HS6ST1: variants seen among roughly 807,000 people sequenced by gnomAD.
HS6ST1 encodes the protein heparan-sulfate 6-O-sulfotransferase 1.
In HS6ST1, 3 loss-of-function variants were observed where a neutral mutation model predicts 25.2. That is an observed-to-expected ratio of 0.12 (90% CI 0.05 to 0.31). The LOEUF is 0.31. Ranked by LOEUF, HS6ST1 falls within the 10% of genes least tolerant of loss-of-function variation. HS6ST1 has a pLI of 1.00. For synonymous variants in HS6ST1, 204 were observed against 275.1 expected, an observed-to-expected ratio of 0.74 and a Z score of 2.56; for missense variants, 310 against 609.6, an observed-to-expected ratio of 0.51 and a Z score of 5.18.
At chr2:128,309,789 G>A (rs1025918812) in intron 1 of HS6ST1, among the ~76,000 whole-genome samples, 1 of 152,184 alleles carries the variant, frequency 6.6e-6, no homozygotes, top group Non-Finnish European at 1.5e-5. Flanking sequence ...CTGGCCCCGC[G>A]GTCAGTCTCC....
intron 1 of HS6ST1, among the ~76,000 whole-genome samples, chr2:128,280,357 CTTCT>C (rs1693767157): frequency 6.6e-6 from 1 of 152,234 alleles, no homozygotes; most frequent in Non-Finnish European, 1.5e-5. Flanking sequence ...GGTGTCATTC[CTTCT>C]GAGAGGGGGC....
intron 1 of HS6ST1, among the ~76,000 whole-genome samples, chr2:128,274,514 G>T (rs1168647886): frequency 1.3e-5 from 2 of 152,138 alleles, no homozygotes; most frequent in East Asian, 3.9e-4. Context: ...ATTTTAGGAA[G>T]ATCCTGGAGT....
chr2:128,304,694 G>A (rs1210379532), intron 1 of HS6ST1, among the ~76,000 whole-genome samples: 2 of 141,524 alleles, frequency 1.4e-5, no homozygotes, highest in African/African-American at 5.4e-5. Context: ...AGATATGGAG[G>A]CACCCATGTA....
Position 128,287,988 on chromosome 2 carries a change from C to T in HS6ST1, c.528-19118G>A, listed in dbSNP as rs144742641. Among the ~76,000 whole-genome samples, 8 of 151,858 alleles carry T rather than the reference C, an allele frequency of 5.3e-5. No homozygotes were observed. The East Asian group carries it at 8.0e-4, about 15-fold the overall frequency. On this transcript the variant is annotated intron_variant, in intron 1 of 1. Coordinates refer to ENST00000259241, the MANE Select transcript of HS6ST1 (RefSeq NM_004807.3). ...AGGCGAGATGTCACTTATGCCTGAACGCACACACTCATACCTTGGGGTCAG... is the reference window on the plus strand; with the variant it reads ...AGGCGAGATGTCACTTATGCCTGAATGCACACACTCATACCTTGGGGTCAG...
rs1397504002 is a variant in HS6ST1, at chr2:128,310,781, T to C, written c.527+7256A>G. On this transcript the variant is annotated intron_variant, in intron 1 of 1. Coordinates refer to ENST00000259241, the MANE Select transcript of HS6ST1 (RefSeq NM_004807.3). ...TTCCAAAACAACATCCCTTGCAAGC[T>C]GGGGACTTGGGACAATGCCCTATCA... Among the ~76,000 whole-genome samples the C allele has an allele frequency of 2.6e-5, 4 of 152,088 alleles. No individual in the cohort carries two copies. In the East Asian group the frequency reaches 7.7e-4, roughly 29 times the overall value.
chr2:128,292,909 G>A lies in HS6ST1; in HGVS notation c.528-24039C>T, dbSNP rs897268997. On this transcript the variant is annotated intron_variant, in intron 1 of 1. Transcript: ENST00000259241. ...TGGGGTGTGGGGGAAGGCAGCGGTC[G>A]GGGAGAGCCTAGGCAGGCCTCCCAC... is the stretch of plus-strand genomic sequence containing the variant. Among the ~76,000 whole-genome samples, 8 of 152,208 alleles carry A rather than the reference G, an allele frequency of 5.3e-5. No homozygotes were observed. The East Asian group carries it at 1.2e-3, about 22-fold the overall frequency.
intron 1 of HS6ST1, among the ~76,000 whole-genome samples, chr2:128,275,500 GGC>G (rs1693680147): frequency 6.6e-6 from 1 of 152,186 alleles, no homozygotes; most frequent in African/African-American, 2.4e-5. Flanking sequence ...CGGATCTGCT[GGC>G]TTTCATCATA....
chr2:128,280,242 G>T (rs770184535), intron 1 of HS6ST1, among the ~76,000 whole-genome samples: 2 of 152,226 alleles, frequency 1.3e-5, no homozygotes, highest in Admixed American at 1.3e-4. Context: ...GGTGGAAGCC[G>T]CTGAGCGCCC....
In HS6ST1 at chr2:128,267,345, G is replaced by A. The variant is rs892592983; in HGVS notation, c.*817C>T. 2 of 151,768 alleles carry A rather than the reference G, an allele frequency of 1.3e-5. No homozygotes were observed. Among genetic ancestry groups the A allele is most frequent in the African/African-American group, 4.8e-5 (2 of 41,344 alleles). 9.4% of individuals were successfully genotyped at this position (151,768 alleles called of 1,614,324 possible). On this transcript the variant is annotated 3_prime_UTR_variant, in exon 2 of 2. Transcript: ENST00000259241. ...TGGTCACCTCCAAGGGCCAGCCGCGGACTCACGCACAAGTGGCAGCATCCC... is the reference window on the plus strand; with the variant it reads ...TGGTCACCTCCAAGGGCCAGCCGCGAACTCACGCACAAGTGGCAGCATCCC...
intron 1 of HS6ST1, among the ~76,000 whole-genome samples, chr2:128,276,076 C>T (rs1693690331): frequency 1.3e-5 from 2 of 152,228 alleles, no homozygotes. Flanking sequence ...ATCAAGTTCT[C>T]AAAAACAAAC....
At chr2:128,297,042 A>G (rs917952110) in intron 1 of HS6ST1, among the ~76,000 whole-genome samples, 1 of 152,204 alleles carries the variant, frequency 6.6e-6, no homozygotes, top group Admixed American at 6.5e-5. Flanking sequence ...AGCCTGGATG[A>G]CAAAGCGAGA....
At chr2:128,300,015 C>A (rs1694099850) in intron 1 of HS6ST1, among the ~76,000 whole-genome samples, 2 of 152,124 alleles carry the variant, frequency 1.3e-5, no homozygotes, top group South Asian at 4.1e-4. Context: ...TCTTGTGAAG[C>A]CCAGGCTGGG....
rs3916055 is a variant in HS6ST1, at chr2:128,267,575, G to A, written c.*587C>T. On this transcript the variant is annotated 3_prime_UTR_variant, in exon 2 of 2. Transcript: ENST00000259241. ...AGCAGGCTTCCTGGGGGCTGGACTC[G>A]AGTCTTCTCTGCCTCAGATGGGGTG... The A allele has an allele frequency of 0.13, 20,994 of 156,008 alleles. 111 individuals are homozygous for A. Among genetic ancestry groups the A allele is most frequent in the Non-Finnish European group, 0.18 (12,756 of 70,236 alleles). 9.7% of individuals were successfully genotyped at this position (156,008 alleles called of 1,614,324 possible).
chr2:128,290,995 G>C (rs114451627), intron 1 of HS6ST1, among the ~76,000 whole-genome samples: 12,695 of 152,064 alleles, frequency 0.083, 644 homozygotes, highest in Non-Finnish European at 0.1. Context: ...AAAAAAAAAA[G>C]TTCCTTAATT....
chr2:128,304,884 G>A (rs1057243841), intron 1 of HS6ST1, among the ~76,000 whole-genome samples: 9 of 152,210 alleles, frequency 5.9e-5, no homozygotes, highest in Admixed American at 1.3e-4. Flanking sequence ...TGGGGAGGGC[G>A]GGTGACTGAG....
chr2:128,276,045 T>C (rs1693689865), intron 1 of HS6ST1, among the ~76,000 whole-genome samples: 2 of 152,224 alleles, frequency 1.3e-5, no homozygotes, highest in African/African-American at 4.8e-5. Context: ...AGGACTGGAT[T>C]ATGATGGTAA....
intron 1 of HS6ST1, among the ~76,000 whole-genome samples, chr2:128,299,491 C>G (rs1341453568): frequency 6.6e-6 from 1 of 152,250 alleles, no homozygotes; most frequent in East Asian, 1.9e-4. Context: ...CCTCCAGACC[C>G]CTACGCTGGA....
chr2:128,290,583 T>C (rs972772411), intron 1 of HS6ST1, among the ~76,000 whole-genome samples: 2 of 152,134 alleles, frequency 1.3e-5, no homozygotes, highest in African/African-American at 4.8e-5. Flanking sequence ...ATGTGACTCA[T>C]CACAGCAACA....
At chr2:128,310,339 A>C (rs992372545) in intron 1 of HS6ST1, among the ~76,000 whole-genome samples, 4 of 152,322 alleles carry the variant, frequency 2.6e-5, no homozygotes, top group East Asian at 1.9e-4. Context: ...CCAGCCCCAG[A>C]CCACACGCTG....
Sources: allele counts gnomAD v4.1 joint callset (sites outside exome capture counted in the v4.1 genomes callset), GRCh38; gene constraint gnomAD v4.1.1; transcripts MANE v1.5; gene names NCBI Gene and HGNC (gene_info 2026-07-23, HGNC 2026-07-21).